The following RANBP2 variants were observed in gnomAD, a reference collection of about 807,000 sequenced individuals.
RANBP2 encodes E3 SUMO-protein ligase RanBP2.
RANBP2 carries 57 observed loss-of-function variants against 303.6 expected under a neutral mutation model. That is an observed-to-expected ratio of 0.19 (90% CI 0.15 to 0.23). The LOEUF (loss-of-function observed/expected upper bound fraction) is 0.23. Ranked by LOEUF, RANBP2 falls within the 10% of genes least tolerant of loss-of-function variation. The pLI, the probability that RANBP2 is intolerant of heterozygous loss-of-function variation, is 1.00. For synonymous variants in RANBP2, 1,167 were observed against 1,301.5 expected (o/e 0.90, Z 2.23); for missense variants, 3,138 against 3,780.8 (o/e 0.83, Z 4.46).
At chr2:109,458,007 T>C in the RANBP2 span, among the ~76,000 whole-genome samples, 1 of 152,144 alleles carries the variant, frequency 6.6e-6, no homozygotes, top group African/African-American at 2.4e-5. Context: ...TTCGGCATTC[T>C]ATTTGTTGTG....
chr2:109,195,596 A>G, the RANBP2 span, among the ~76,000 whole-genome samples: 2 of 152,110 alleles, frequency 1.3e-5, no homozygotes, highest in Non-Finnish European at 2.9e-5. Flanking sequence ...TGCTGGAGCT[A>G]TTTTTGCATC....
chr2:109,175,950 G>C, the RANBP2 span, among the ~76,000 whole-genome samples: 242 of 152,050 alleles, frequency 1.6e-3, no homozygotes, highest in African/African-American at 5.7e-3. Context: ...TATTTTTCTG[G>C]ATCACTTGTG....
chr2:109,259,307 C>T, the RANBP2 span, among the ~76,000 whole-genome samples: 1 of 152,170 alleles, frequency 6.6e-6, no homozygotes, highest in African/African-American at 2.4e-5. Context: ...TGTGCAGAGG[C>T]CTGGCTCTGA....
the RANBP2 span, among the ~76,000 whole-genome samples, chr2:109,498,798 A>ATCCT: frequency 6.6e-6 from 1 of 152,188 alleles, no homozygotes; most frequent in Admixed American, 6.5e-5. Flanking sequence ...TTGGGTAAAC[A>ATCCT]GGTGAATGGC....
chr2:109,064,530 G>GTCTT, the RANBP2 span, among the ~76,000 whole-genome samples: 1 of 150,116 alleles, frequency 6.7e-6, no homozygotes, highest in African/African-American at 2.5e-5. Flanking sequence ...TCAGTGCAAA[G>GTCTT]TCTTTACCTT....
the RANBP2 span, among the ~76,000 whole-genome samples, chr2:109,233,705 C>T: frequency 1.3e-5 from 2 of 152,194 alleles, no homozygotes; most frequent in East Asian, 1.9e-4. Context: ...CCTTTTGGCT[C>T]GGAATATTCA....
chr2:109,493,658 CATATT>C, the RANBP2 span, among the ~76,000 whole-genome samples: 2 of 151,668 alleles, frequency 1.3e-5, no homozygotes, highest in South Asian at 2.1e-4. Flanking sequence ...CATACACACA[CATATT>C]ATACAAACAC....
At chr2:109,107,450 C>T in the RANBP2 span, among the ~76,000 whole-genome samples, 1 of 152,166 alleles carries the variant, frequency 6.6e-6, no homozygotes, top group African/African-American at 2.4e-5. Flanking sequence ...GAGCAGTACC[C>T]AGTCTCTGGT....
At chr2:108,838,650 T>G in the RANBP2 span, among the ~76,000 whole-genome samples, 42 of 152,316 alleles carry the variant, frequency 2.8e-4, no homozygotes, top group East Asian at 1.9e-3. Flanking sequence ...AATGTTTTTA[T>G]AAATTAGCAT....
the RANBP2 span, among the ~76,000 whole-genome samples, chr2:109,253,247 G>C: frequency 1.3e-5 from 2 of 152,158 alleles, no homozygotes; most frequent in Non-Finnish European, 2.9e-5. Flanking sequence ...TTGAACTCCT[G>C]ACCTGAAGTG....
At chr2:108,720,518 G>A (rs1347458017) in intron 1 of RANBP2, among the ~76,000 whole-genome samples, 2 of 152,160 alleles carry the variant, frequency 1.3e-5, no homozygotes, top group Non-Finnish European at 2.9e-5. Flanking sequence ...AAGAGTGACG[G>A]AAGAAGCTAT....
At chr2:109,595,200 A>C in the RANBP2 span, among the ~76,000 whole-genome samples, 1 of 152,114 alleles carries the variant, frequency 6.6e-6, no homozygotes, top group East Asian at 1.9e-4. Flanking sequence ...AGTGTTTTCA[A>C]ATCCTAAGTT....
chr2:108,832,057 T>G, the RANBP2 span, among the ~76,000 whole-genome samples: 3 of 150,252 alleles, frequency 2.0e-5, no homozygotes, highest in Admixed American at 6.6e-5. Context: ...TGAAATGGAG[T>G]CTCACTCTGT....
At chr2:109,118,052 G>T in the RANBP2 span, among the ~76,000 whole-genome samples, 1 of 152,166 alleles carries the variant, frequency 6.6e-6, no homozygotes, top group Non-Finnish European at 1.5e-5. Context: ...ACATAATGGC[G>T]TCTGGTGAAG....
chr2:109,540,349 T>C, the RANBP2 span, among the ~76,000 whole-genome samples: 1 of 152,086 alleles, frequency 6.6e-6, no homozygotes, highest in Non-Finnish European at 1.5e-5. Context: ...CATACACAAG[T>C]GGTATGTTTA....
chr2:108,837,482 AAT>A, the RANBP2 span, among the ~76,000 whole-genome samples: 1 of 152,190 alleles, frequency 6.6e-6, no homozygotes, highest in African/African-American at 2.4e-5. Flanking sequence ...GTGGTCCCAT[AAT>A]ATTATAATGG....
At chr2:109,529,061 G>A in the RANBP2 span, among the ~76,000 whole-genome samples, 3 of 152,204 alleles carry the variant, frequency 2.0e-5, no homozygotes, top group Non-Finnish European at 4.4e-5. Flanking sequence ...CACAGCAGCC[G>A]CAGGAAACAA....
chr2:109,093,469 A>G, the RANBP2 span, among the ~76,000 whole-genome samples: 2 of 151,866 alleles, frequency 1.3e-5, no homozygotes, highest in African/African-American at 2.4e-5. Flanking sequence ...ACTGCTTACC[A>G]TCACTTTGAG....
At chr2:109,241,233 C>T in the RANBP2 span, among the ~76,000 whole-genome samples, 3 of 143,304 alleles carry the variant, frequency 2.1e-5, no homozygotes, top group African/African-American at 8.0e-5. Flanking sequence ...TGTCTCTTGA[C>T]CTAACAATTC....
Sources: allele counts gnomAD v4.1 joint callset (sites outside exome capture counted in the v4.1 genomes callset), GRCh38; gene constraint gnomAD v4.1.1; transcripts MANE v1.5; gene names NCBI Gene and HGNC (gene_info 2026-07-23, HGNC 2026-07-21).